The following AHCY variants were observed in gnomAD, a reference collection of about 807,000 sequenced individuals.
AHCY encodes the protein adenosylhomocysteinase, also known as S-adenosyl-L-homocysteine hydrolase.
In AHCY, 24 loss-of-function variants were observed where a neutral mutation model predicts 45.4. That is an observed-to-expected ratio of 0.53 (90% confidence interval 0.38 to 0.74). The LOEUF is 0.74. Ranked by LOEUF, AHCY falls within the 30% of genes least tolerant of loss-of-function variation. The pLI is 0.00. For synonymous variants in AHCY, 245 were observed against 235.1 expected (o/e 1.04, Z -0.39); for missense variants, 449 against 594.1 (o/e 0.76, Z 2.54).
the AHCY span, among the ~76,000 whole-genome samples, chr20:34,243,731 T>A: frequency 3.5e-4 from 52 of 148,624 alleles, 1 homozygote; most frequent in Middle Eastern, 6.8e-3. Context: ...ATCTTTCTAA[T>A]ACTTTACATT....
chr20:34,287,104 G>A (rs1259442602), intron 8 of AHCY, among the ~76,000 whole-genome samples: 1 of 152,094 alleles, frequency 6.6e-6, no homozygotes, highest in Non-Finnish European at 1.5e-5. Flanking sequence ...TTCCCCAAAA[G>A]CCCAGGTTTC....
chr20:34,246,397 A>G, the AHCY span: 7 of 1,383,274 alleles, frequency 5.1e-6, no homozygotes, highest in Admixed American at 1.9e-5. Flanking sequence ...AATGAGCAAC[A>G]TCAGGCATAT....
chr20:34,296,952 A>G (rs1028958231), intron 1 of AHCY, among the ~76,000 whole-genome samples: 5 of 152,094 alleles, frequency 3.3e-5, no homozygotes, highest in Admixed American at 2.6e-4. Context: ...CTGTGCCTCA[A>G]CTCAAGCCAC....
At chr20:34,303,391 C>G, upstream of AHCY, 1 of 1,424,276 alleles carries the variant, frequency 7.0e-7, no homozygotes, top group Non-Finnish European at 9.7e-7. Context: ...AAATATCTTC[C>G]TCGCACTTGC....
chr20:34,299,020 T>C (rs2036680570), intron 1 of AHCY, among the ~76,000 whole-genome samples: 1 of 152,132 alleles, frequency 6.6e-6, no homozygotes, highest in African/African-American at 2.4e-5. Context: ...TTATATGCAA[T>C]AAATAACAGC....
the AHCY span, among the ~76,000 whole-genome samples, chr20:34,255,288 G>A: frequency 6.6e-6 from 1 of 152,056 alleles, no homozygotes; most frequent in Non-Finnish European, 1.5e-5. Flanking sequence ...CTGTTCCTGG[G>A]TCTAACTTAA....
At chr20:34,306,079 C>CAAAAAAAAAAAAAAAAAAAAAAAAAAA (rs56039506), upstream of AHCY, among the ~76,000 whole-genome samples, 1 of 103,104 alleles carries the variant, frequency 9.7e-6, no homozygotes, top group Non-Finnish European at 2.0e-5. Flanking sequence ...AAGACTGCCT[C>CAAAAAAAAAAAAAAAAAAAAAAAAAAA]AAAAAAAAAA....
At chr20:34,266,408 C>T in the AHCY span, among the ~76,000 whole-genome samples, 1 of 151,592 alleles carries the variant, frequency 6.6e-6, no homozygotes, top group Admixed American at 6.6e-5. Flanking sequence ...CACGGTGGCT[C>T]ATAACTGTAA....
chr20:34,281,410 C>A (rs1201433448), intron 9 of AHCY, among the ~76,000 whole-genome samples: 1 of 152,210 alleles, frequency 6.6e-6, no homozygotes, highest in East Asian at 1.9e-4. Flanking sequence ...TCAATCACAT[C>A]TCCTTCCTCA....
At chr20:34,248,906 A>T in the AHCY span, among the ~76,000 whole-genome samples, 2 of 151,768 alleles carry the variant, frequency 1.3e-5, no homozygotes, top group East Asian at 3.9e-4. Context: ...AGAACTTAAA[A>T]ATCTAATAAT....
intron 4 of AHCY, among the ~76,000 whole-genome samples, chr20:34,292,023 TG>T (rs2036413545): frequency 1.3e-5 from 2 of 152,242 alleles, no homozygotes; most frequent in Non-Finnish European, 2.9e-5. Flanking sequence ...TGCTATCCTG[TG>T]GGCCTCTTTT....
At chr20:34,269,946 T>TAAAGAAAAAAAAAA in the AHCY span, among the ~76,000 whole-genome samples, 1 of 59,236 alleles carries the variant, frequency 1.7e-5, no homozygotes, top group African/African-American at 9.0e-5. Flanking sequence ...AACTCTGTCT[T>TAAAGAAAAAAAAAA]AAAAAAAAAA....
chr20:34,236,671 C>T, the AHCY span, among the ~76,000 whole-genome samples: 7 of 151,994 alleles, frequency 4.6e-5, no homozygotes, highest in Non-Finnish European at 7.4e-5. Context: ...GGCAAGATGG[C>T]GAGACCCCCA....
At chr20:34,278,158 A>G (rs1243804125), downstream of AHCY, among the ~76,000 whole-genome samples, 1 of 152,236 alleles carries the variant, frequency 6.6e-6, no homozygotes, top group Non-Finnish European at 1.5e-5. Flanking sequence ...CACATGTGAC[A>G]GATTAGCAGA....
At position 34,295,600 on chromosome 20, in the gene AHCY, A is replaced by G. The variant is rs546245993; in HGVS notation, c.29-15T>C. On this transcript the variant is annotated splice_polypyrimidine_tract_variant and intron_variant, in intron 1 of 9. Transcript: ENST00000217426. ...GCCGATGTCGGCTACGGGAGGAAAC[A>G]GGTGGGAGTTCCGTGAGTCCCCTCA... 24 of 1,613,078 alleles carry G rather than the reference A, an allele frequency of 1.5e-5. No individual in the cohort carries two copies. In the Admixed American group the frequency reaches 4.0e-4, roughly 27 times the overall value.
rs59466062 is a variant in AHCY at position 34,295,017 on chromosome 20, C to T, written c.219+378G>A. ...ATTGGCACACATGACCCAGGCTGAACCAATCAGAGCTGCCATCATCCAGCA... is the reference window on the plus strand; with the variant it reads ...ATTGGCACACATGACCCAGGCTGAATCAATCAGAGCTGCCATCATCCAGCA... On this transcript the variant is annotated intron_variant, in intron 2 of 9. Coordinates refer to ENST00000217426, the MANE Select transcript of AHCY (RefSeq NM_000687.4). Among the ~76,000 whole-genome samples, 238 of 152,322 alleles carry T rather than the reference C, an allele frequency of 1.6e-3. 5 individuals are homozygous for T. In the East Asian group the frequency reaches 0.02, roughly 13 times the overall value.
chr20:34,274,755 T>C, the AHCY span, among the ~76,000 whole-genome samples: 1 of 152,014 alleles, frequency 6.6e-6, no homozygotes, highest in Non-Finnish European at 1.5e-5. Flanking sequence ...GAGACCAGCC[T>C]GGGCAACATG....
At chr20:34,292,557 C>T (rs375635354) in intron 3 of AHCY, 50 bp from the exon 4 acceptor site, 1 of 1,612,676 alleles carries the variant, frequency 6.2e-7, no homozygotes, top group Non-Finnish European at 8.5e-7. Flanking sequence ...CTGGTACCTG[C>T]TCCAGGGAAC....
chr20:34,281,582 TAC>T, intron 9 of AHCY: 1 of 296,014 alleles, frequency 3.4e-6, no homozygotes, highest in South Asian at 3.3e-5. Context: ...AAGTCTATTT[TAC>T]AAGTGAAATG....
Sources: gnomAD v4.1 joint callset for allele counts (sites outside exome capture counted in the v4.1 genomes callset) on GRCh38, gnomAD v4.1.1 for gene constraint, MANE v1.5 for transcripts, NCBI Gene and HGNC (gene_info 2026-07-23, HGNC 2026-07-21) for gene names.